The following NME1 variants were observed in gnomAD, a reference collection of about 807,000 sequenced individuals.
NME1 encodes the protein NME/NM23 nucleoside diphosphate kinase 1, also known as nucleoside diphosphate kinase A.
A neutral mutation model predicts 17.2 loss-of-function variants in NME1; 9 were observed. That is an observed-to-expected ratio of 0.52 (90% CI 0.32 to 0.92). NME1 has a LOEUF of 0.92. NME1 is among the 40% of genes least tolerant of loss of function. The pLI, the probability that NME1 is intolerant of heterozygous loss-of-function variation, is 0.04. For synonymous variants in NME1, 72 were observed against 70.8 expected, an observed-to-expected ratio of 1.02 and a Z score of -0.09; for missense variants, 169 against 201.7, an observed-to-expected ratio of 0.84 and a Z score of 0.98.
At chr17:51,161,522 G>A in intron 4 of NME1, 1 of 667,176 alleles carries the variant, frequency 1.5e-6, no homozygotes, top group Admixed American at 2.4e-5. Flanking sequence ...GGCTCTCACT[G>A]TTTGCACCAG....
chr17:51,161,564 A>C, intron 4 of NME1, 164 bp from the exon 5 acceptor site: 1 of 721,118 alleles, frequency 1.4e-6, no homozygotes, highest in Admixed American at 2.2e-5. Context: ...TGGGGAGGGC[A>C]TTTTTCAGCC....
At chr17:51,160,334 G>C in intron 3 of NME1, 1 of 559,924 alleles carries the variant, frequency 1.8e-6, no homozygotes, top group East Asian at 3.4e-5. Flanking sequence ...AAGAAGCAGC[G>C]ATCTGAATGA....
At chr17:51,161,358 G>T in intron 4 of NME1, 86 bp downstream of exon 4, 1 of 1,207,528 alleles carries the variant, frequency 8.3e-7, no homozygotes, top group Non-Finnish European at 1.2e-6. Flanking sequence ...AGGTAGACAT[G>T]ATACCATATG....
At chr17:51,157,438 CATT>C (rs2049803238) in intron 2 of NME1, among the ~76,000 whole-genome samples, 1 of 152,152 alleles carries the variant, frequency 6.6e-6, no homozygotes, top group Admixed American at 6.5e-5. Context: ...TGAGATAAGA[CATT>C]AATCTGTTCA....
Position 51,155,896 on chromosome 17 carries a change from A to T in NME1, c.126+116A>T. ...AGTTCTCCACGGTAGAGTGAACACAAGTGTCTTGAGACCTGGAAACTCCTC... is the reference window on the plus strand; with the variant it reads ...AGTTCTCCACGGTAGAGTGAACACATGTGTCTTGAGACCTGGAAACTCCTC... On this transcript the variant is annotated intron_variant, in intron 2 of 4. Coordinates refer to ENST00000393196, the MANE Select transcript of NME1 (RefSeq NM_000269.3). 4 of 1,530,710 alleles carry T rather than the reference A, an allele frequency of 2.6e-6. 1 individual carries two copies. The South Asian group carries it at 4.5e-5, about 17-fold the overall frequency. 94.8% of individuals were successfully genotyped at this position (1,530,710 alleles called of 1,614,324 possible). A position where few individuals can be genotyped will look rare whatever the true frequency, so the allele number is the denominator to read the frequency against.
intron 4 of NME1, 144 bp from the exon 5 acceptor site, chr17:51,161,584 T>A: frequency 1.3e-6 from 1 of 775,298 alleles, no homozygotes; most frequent in South Asian, 1.5e-5. Flanking sequence ...CTTAAGTGAA[T>A]GGCCATTGTA....
intron 1 of NME1, chr17:51,154,577 T>C (rs2049757278): frequency 3.7e-5 from 27 of 737,776 alleles, no homozygotes; most frequent in Non-Finnish European, 6.4e-5. Flanking sequence ...CCACCGTTTA[T>C]TGGCTAGTCA....
intron 2 of NME1, among the ~76,000 whole-genome samples, chr17:51,157,535 A>G (rs1381322238): frequency 6.6e-6 from 1 of 152,208 alleles, no homozygotes; most frequent in Non-Finnish European, 1.5e-5. Context: ...AATTTCCAAC[A>G]TACGAACTTT....
intron 3 of NME1, chr17:51,160,570 G>A (rs2049850017): frequency 3.7e-6 from 1 of 273,010 alleles, no homozygotes; most frequent in Non-Finnish European, 7.1e-6. Context: ...TATACTTCCT[G>A]AGTGCTGGGA....
rs199789263 is a variant in NME1, at chr17:51,159,997, C to A, written c.144C>A (p.Leu48=). The change falls in exon 3 of 5, where the codon CTC becomes CTA. Residue 48 remains leucine (L), a synonymous_variant. Transcript: ENST00000393196. Reference sequence around the variant, plus strand: ...TTGAATAGGCTTCCGAAGATCTTCTCAAGGAACACTACGTTGACCTGAAGG... The same window carrying A: ...TTGAATAGGCTTCCGAAGATCTTCTAAAGGAACACTACGTTGACCTGAAGG... The part of the protein sequence containing the change: ...LKFMQASEDL[L]KEHYVDLKDR... The A allele has an allele frequency of 8.1e-6, 13 of 1,614,036 alleles. No individual in the cohort carries two copies. Among genetic ancestry groups the A allele is most frequent in the Admixed American group, 1.7e-5 (1 of 59,984 alleles).
chr17:51,160,272 C>G, intron 3 of NME1, 191 bp downstream of exon 3: 2 of 715,094 alleles, frequency 2.8e-6, no homozygotes, highest in Non-Finnish European at 5.0e-6. Flanking sequence ...CAAATGATCA[C>G]TTTAGATTGG....
chr17:51,160,248 A>G, intron 3 of NME1, 167 bp downstream of exon 3: 1 of 771,586 alleles, frequency 1.3e-6, no homozygotes, highest in Non-Finnish European at 2.2e-6. Flanking sequence ...ATGCCCAGAA[A>G]TGAATAGGAG....
chr17:51,161,301 C>A, intron 4 of NME1, 29 bp downstream of exon 4: 1 of 1,568,920 alleles, frequency 6.4e-7, no homozygotes, highest in Non-Finnish European at 8.7e-7. Context: ...TCCCCCTTTT[C>A]CAAAATCTGA....
chr17:51,160,845 C>T (rs951125767), intron 3 of NME1, among the ~76,000 whole-genome samples: 5 of 151,990 alleles, frequency 3.3e-5, no homozygotes, highest in African/African-American at 9.7e-5. Context: ...CTCCTGACCT[C>T]GTGATCCACT....
chr17:51,155,076 G>GT (rs558153234), intron 1 of NME1, among the ~76,000 whole-genome samples: 144 of 146,806 alleles, frequency 9.8e-4, no homozygotes, highest in African/African-American at 3.5e-3. Context: ...CCCATCTCTA[G>GT]TAAAAAAAAA....
chr17:51,158,173 G>A (rs1182644638), intron 2 of NME1, among the ~76,000 whole-genome samples: 2 of 152,224 alleles, frequency 1.3e-5, no homozygotes, highest in African/African-American at 4.8e-5. Flanking sequence ...CCAGCTACCA[G>A]GGAGGCTGAG....
At chr17:51,161,358 G>GATACC (rs1434292037) in intron 4 of NME1, 86 bp downstream of exon 4, 3 of 1,207,410 alleles carry the variant, frequency 2.5e-6, no homozygotes, top group Non-Finnish European at 3.6e-6. Context: ...AGGTAGACAT[G>GATACC]ATACCATATG....
At chr17:51,154,375 T>C (rs2049753041) in intron 1 of NME1, 4 of 1,613,952 alleles carry the variant, frequency 2.5e-6, no homozygotes, top group Non-Finnish European at 2.5e-6. Flanking sequence ...GGCCAAGAGA[T>C]GGTGCTACTG....
At chr17:51,159,524 G>T (rs1182813063) in intron 2 of NME1, among the ~76,000 whole-genome samples, 6 of 152,194 alleles carry the variant, frequency 3.9e-5, no homozygotes, top group Non-Finnish European at 4.4e-5. Flanking sequence ...TTGAACCCAG[G>T]AGGTGGAGGT....
Sources: allele counts gnomAD v4.1 joint callset (sites outside exome capture counted in the v4.1 genomes callset), GRCh38; gene constraint gnomAD v4.1.1; transcripts MANE v1.5; gene names NCBI Gene and HGNC (gene_info 2026-07-23, HGNC 2026-07-21).